Variants in ZNF248 observed in about 807,000 individuals in gnomAD.
ZNF248 encodes the protein zinc finger protein 248.
Under a neutral mutation model 44.3 loss-of-function variants are expected in ZNF248, and 20 were observed. That is an observed-to-expected ratio of 0.45 (90% CI 0.32 to 0.66). The LOEUF is 0.66. Ranked by LOEUF, ZNF248 falls within the 30% of genes least tolerant of loss-of-function variation. The probability of loss-of-function intolerance (pLI) is 0.04; values close to 1 mark genes in which losing one functional copy is unlikely to be tolerated. For missense variants in ZNF248, 654 were observed against 677.0 expected (o/e 0.97, Z 0.38); for synonymous variants, 224 against 229.0 (o/e 0.98, Z 0.20).
chr10:37,780,438 G>A (rs998505142), intron 6 of ZNF248, among the ~76,000 whole-genome samples: 18 of 152,194 alleles, frequency 1.2e-4, no homozygotes, highest in Non-Finnish European at 4.4e-5. Context: ...TTTAATAAAT[G>A]GTGCTTGGAA....
chr10:37,782,462 T>TG (rs1170670628), intron 6 of ZNF248, among the ~76,000 whole-genome samples: 1 of 151,892 alleles, frequency 6.6e-6, no homozygotes, highest in Non-Finnish European at 1.5e-5. Context: ...TGGTGGGGGT[T>TG]GGGGGGCAGA....
At chr10:37,815,829 G>C (rs2052356060) in intron 6 of ZNF248, among the ~76,000 whole-genome samples, 1 of 151,854 alleles carries the variant, frequency 6.6e-6, no homozygotes, top group East Asian at 1.9e-4. Flanking sequence ...ATAGTTACAG[G>C]GTGTCTGCAT....
At chr10:37,777,854 A>G (rs1330647402) in intron 6 of ZNF248, among the ~76,000 whole-genome samples, 1 of 152,044 alleles carries the variant, frequency 6.6e-6, no homozygotes, top group Non-Finnish European at 1.5e-5. Flanking sequence ...TTCCCTACAA[A>G]GGACATGAAC....
chr10:37,819,325 G>A, intron 6 of ZNF248: 1 of 1,081,422 alleles, frequency 9.2e-7, no homozygotes, highest in Admixed American at 1.7e-5. Flanking sequence ...CCAGTGAAAA[G>A]TAATCATACA....
chr10:37,780,978 A>G (rs2047240879), intron 6 of ZNF248, among the ~76,000 whole-genome samples: 1 of 151,198 alleles, frequency 6.6e-6, no homozygotes, highest in African/African-American at 2.5e-5. Flanking sequence ...ACCGTGCGGG[A>G]CACGTTTTTG....
chr10:37,831,038 A>T lies in ZNF248; in HGVS notation c.*577T>A. 9.8e-7 allele frequency: 1 copy of T among 1,024,788 alleles called. No homozygotes were observed. Among genetic ancestry groups the T allele is most frequent in the Non-Finnish European group, 1.3e-6 (1 of 796,812 alleles). The allele number at this position is 1,024,788 out of a possible 1,614,324, so 63.5% of individuals were successfully genotyped here. A position where few individuals can be genotyped will look rare whatever the true frequency, so the allele number is the denominator to read the frequency against. On this transcript the variant is annotated 3_prime_UTR_variant, in exon 6 of 6. Transcript: ENST00000395867. ...TATGTGTGTAGAAATATATTTACAT[A>T]TACACACAAACATATGTACATACAC...
downstream of ZNF248, among the ~76,000 whole-genome samples, chr10:37,773,799 T>A (rs544206917): frequency 5.3e-5 from 8 of 152,238 alleles, 1 homozygote; most frequent in South Asian, 1.7e-3. Context: ...AACCTAATTA[T>A]CTCTGTAAAG....
downstream of ZNF248, among the ~76,000 whole-genome samples, chr10:37,825,003 C>G (rs1199958428): frequency 6.6e-6 from 1 of 151,598 alleles, no homozygotes; most frequent in Non-Finnish European, 1.5e-5. Context: ...TACTTAAAAG[C>G]TTGAAGTAAT....
chr10:37,817,354 G>A (rs1743812), intron 6 of ZNF248, among the ~76,000 whole-genome samples: 9,129 of 145,840 alleles, frequency 0.063, 355 homozygotes, highest in Middle Eastern at 0.097. Flanking sequence ...ATTTTTTTTT[G>A]CATGGATGAA....
intron 6 of ZNF248, among the ~76,000 whole-genome samples, chr10:37,797,684 G>T (rs2049318815): frequency 6.6e-6 from 1 of 151,996 alleles, no homozygotes; most frequent in Non-Finnish European, 1.5e-5. Flanking sequence ...AACACTAATG[G>T]CCAACAAGCC....
At chr10:37,853,394 T>C (rs1274059655) in intron 3 of ZNF248, among the ~76,000 whole-genome samples, 1 of 152,152 alleles carries the variant, frequency 6.6e-6, no homozygotes, top group Admixed American at 6.5e-5. Flanking sequence ...TGTTTTCTTT[T>C]CGAGACGGAG....
At chr10:37,852,187 C>T (rs966623610) in intron 3 of ZNF248, among the ~76,000 whole-genome samples, 2 of 151,532 alleles carry the variant, frequency 1.3e-5, no homozygotes, top group African/African-American at 4.9e-5. Context: ...GCAGAGATTG[C>T]AGTGAGCCGA....
intron 6 of ZNF248, among the ~76,000 whole-genome samples, chr10:37,792,168 C>T (rs1281946978): frequency 2.0e-5 from 3 of 152,130 alleles, no homozygotes; most frequent in African/African-American, 7.2e-5. Context: ...ATGATAGCTC[C>T]TCACTACCTG....
downstream of ZNF248, among the ~76,000 whole-genome samples, chr10:37,824,156 C>G (rs187095305): frequency 4.6e-5 from 7 of 152,154 alleles, no homozygotes; most frequent in East Asian, 1.4e-3. Context: ...AGGCTCAAGA[C>G]CCAGGAAAAG....
chr10:37,856,630 A>AG lies in ZNF248; in HGVS notation c.-125-99dup, dbSNP rs1377176104. The stretch of plus-strand genomic sequence containing the variant: ...CTATGGGTTTGTCAAAATTCCTTGT[A>AG]GGGAAAAAAAAAAACTGAGGCCATA... On this transcript the variant is annotated intron_variant, in intron 1 of 5. Transcript: ENST00000395867. 4.9e-6 allele frequency: 5 copies of AG among 1,023,504 alleles called. No individual in the cohort carries two copies. The African/African-American group carries it at 8.3e-5, about 17-fold the overall frequency. 63.4% of individuals were successfully genotyped at this position (1,023,504 alleles called of 1,614,324 possible).
intron 6 of ZNF248, among the ~76,000 whole-genome samples, chr10:37,814,347 T>C (rs1432428886): frequency 2.0e-5 from 3 of 152,220 alleles, no homozygotes; most frequent in Non-Finnish European, 4.4e-5. Flanking sequence ...ATACATTGTG[T>C]CCAGAGACAC....
At chr10:37,777,225 C>T (rs936198940) in intron 6 of ZNF248, among the ~76,000 whole-genome samples, 2 of 152,122 alleles carry the variant, frequency 1.3e-5, no homozygotes, top group African/African-American at 4.8e-5. Context: ...TTGCCTTGAA[C>T]CTTTGAAGTG....
chr10:37,763,300 T>G, the ZNF248 span, among the ~76,000 whole-genome samples: 11,783 of 152,292 alleles, frequency 0.077, 804 homozygotes, highest in African/African-American at 0.18. Flanking sequence ...ACAGCAGGCT[T>G]GCAAGACTGC....
chr10:37,824,848 AT>A (rs36011714), downstream of ZNF248, among the ~76,000 whole-genome samples: 1,305 of 115,202 alleles, frequency 0.011, 15 homozygotes, highest in African/African-American at 0.026. Context: ...CACCCAGCTG[AT>A]TTTTTTTTTT....
Sources: allele counts gnomAD v4.1 joint callset (sites outside exome capture counted in the v4.1 genomes callset), GRCh38; gene constraint gnomAD v4.1.1; transcripts MANE v1.5; gene names NCBI Gene and HGNC (gene_info 2026-07-23, HGNC 2026-07-21).